Variants in LARGE1 observed in about 807,000 individuals in gnomAD.
The protein encoded by LARGE1 is xylosyl- and glucuronyltransferase LARGE1.
LARGE1 carries 43 observed loss-of-function variants against 87.6 expected under a neutral mutation model. The ratio of observed to expected loss-of-function variants is 0.49; its 90% CI spans 0.38 to 0.63. The LOEUF (loss-of-function observed/expected upper bound fraction) is 0.63. Among genes scored for constraint, LARGE1 ranks in the 30% least tolerant of loss-of-function variants. The pLI is 0.00. For missense variants in LARGE1, 802 were observed against 1,000.2 expected (o/e 0.80, Z 2.67); for synonymous variants, 434 against 394.6 (o/e 1.10, Z -1.18).
At chr22:33,074,563 T>C in the LARGE1 span, among the ~76,000 whole-genome samples, 3 of 152,030 alleles carry the variant, frequency 2.0e-5, no homozygotes, top group African/African-American at 7.2e-5. Context: ...TAGTCCCAGC[T>C]ACTCAGGAGG....
At chr22:33,422,134 C>T (rs2066715419) in intron 7 of LARGE1, among the ~76,000 whole-genome samples, 1 of 152,228 alleles carries the variant, frequency 6.6e-6, no homozygotes, top group Non-Finnish European at 1.5e-5. Flanking sequence ...ACTGGCAACA[C>T]CTCCAACCTT....
intron 4 of LARGE1, among the ~76,000 whole-genome samples, chr22:33,610,540 A>C (rs372223587): frequency 1.3e-5 from 2 of 152,316 alleles, no homozygotes; most frequent in African/African-American, 4.8e-5. Context: ...CAAAGCAATG[A>C]TCTAAAAGTT....
At chr22:33,408,777 G>T (rs2147406818) in intron 7 of LARGE1, among the ~76,000 whole-genome samples, 1 of 147,934 alleles carries the variant, frequency 6.8e-6, no homozygotes, top group South Asian at 2.1e-4. Context: ...GCCAGGGGGG[G>T]TCAACTCCTG....
intron 2 of LARGE1, among the ~76,000 whole-genome samples, chr22:33,662,518 CCACACTT>C: frequency 6.6e-6 from 1 of 152,274 alleles, no homozygotes; most frequent in Non-Finnish European, 1.5e-5. Flanking sequence ...GCTATGCAAG[CCACACTT>C]CACCAGAAGT....
intron 6 of LARGE1, among the ~76,000 whole-genome samples, chr22:33,450,975 G>A (rs1276905444): frequency 1.3e-5 from 2 of 152,088 alleles, no homozygotes; most frequent in Admixed American, 6.6e-5. Context: ...ACATAAACAC[G>A]GGGTAAAGCA....
At chr22:33,754,846 T>A (rs2084450483) in intron 2 of LARGE1, among the ~76,000 whole-genome samples, 1 of 152,150 alleles carries the variant, frequency 6.6e-6, no homozygotes, top group Non-Finnish European at 1.5e-5. Context: ...TCCAGCAGAT[T>A]ATTCACCAAT....
At chr22:33,812,817 C>T (rs578228382) in intron 1 of LARGE1, among the ~76,000 whole-genome samples, 7 of 152,324 alleles carry the variant, frequency 4.6e-5, no homozygotes, top group South Asian at 2.1e-4. Flanking sequence ...CCTGACAACA[C>T]GCCAGGCCCT....
intron 3 of LARGE1, among the ~76,000 whole-genome samples, chr22:33,645,586 G>A (rs1356006773): frequency 6.6e-6 from 1 of 152,176 alleles, no homozygotes; most frequent in African/African-American, 2.4e-5. Flanking sequence ...AGCCAAAATT[G>A]ACAAATGGGA....
At chr22:33,311,581 T>A (rs933436961) in intron 11 of LARGE1, among the ~76,000 whole-genome samples, 1 of 152,236 alleles carries the variant, frequency 6.6e-6, no homozygotes, top group Non-Finnish European at 1.5e-5. Context: ...TCTGACGTTA[T>A]CACCATCTCG....
chr22:33,697,250 C>T (rs750669671), intron 2 of LARGE1, among the ~76,000 whole-genome samples: 1 of 152,096 alleles, frequency 6.6e-6, no homozygotes, highest in Non-Finnish European at 1.5e-5. Flanking sequence ...GTATGGTTCT[C>T]GTCCTGCTTA....
At chr22:33,178,421 A>G (rs762994170) in intron 11 of LARGE1, among the ~76,000 whole-genome samples, 1 of 152,122 alleles carries the variant, frequency 6.6e-6, no homozygotes, top group Non-Finnish European at 1.5e-5. Flanking sequence ...TGAAGGTGAT[A>G]CTCATGAAGA....
chr22:33,665,964 T>G (rs988651464), intron 2 of LARGE1, among the ~76,000 whole-genome samples: 3 of 151,220 alleles, frequency 2.0e-5, no homozygotes, highest in African/African-American at 7.3e-5. Flanking sequence ...CTTGCAAGAT[T>G]TACTGCAAAA....
chr22:33,268,013 T>C (rs1429382058), downstream of LARGE1, among the ~76,000 whole-genome samples: 1 of 151,184 alleles, frequency 6.6e-6, no homozygotes, highest in Non-Finnish European at 1.5e-5. Flanking sequence ...TGGAGTTCAG[T>C]GGCGCGATCT....
chr22:33,148,972 C>T, the LARGE1 span, among the ~76,000 whole-genome samples: 3 of 150,960 alleles, frequency 2.0e-5, no homozygotes, highest in Non-Finnish European at 2.9e-5. Flanking sequence ...AATGTAAGTG[C>T]TTTTTCAGAT....
At chr22:33,820,904 T>C (rs2086796725) in intron 1 of LARGE1, among the ~76,000 whole-genome samples, 1 of 152,092 alleles carries the variant, frequency 6.6e-6, no homozygotes, top group African/African-American at 2.4e-5. Flanking sequence ...CCACCCCCTC[T>C]TCTGCCTCCC....
chr22:33,211,107 T>C (rs1410780564), intron 11 of LARGE1, among the ~76,000 whole-genome samples: 4 of 152,188 alleles, frequency 2.6e-5, no homozygotes, highest in Non-Finnish European at 4.4e-5. Flanking sequence ...TTCATTATTA[T>C]TATATCTGTT....
At chr22:33,773,743 C>T (rs752141872) in intron 1 of LARGE1, among the ~76,000 whole-genome samples, 1 of 152,156 alleles carries the variant, frequency 6.6e-6, no homozygotes, top group Non-Finnish European at 1.5e-5. Flanking sequence ...TGGAGCCTCC[C>T]GTCATTTTTC....
At chr22:33,198,262 T>C (rs1392708803) in intron 11 of LARGE1, among the ~76,000 whole-genome samples, 1 of 152,174 alleles carries the variant, frequency 6.6e-6, no homozygotes. Flanking sequence ...TAAGAGTCTT[T>C]GCTCTTTGAA....
chr22:33,473,370 G>A (rs2148129266), intron 6 of LARGE1, among the ~76,000 whole-genome samples: 1 of 151,468 alleles, frequency 6.6e-6, no homozygotes, highest in Non-Finnish European at 1.5e-5. Context: ...ATTTTTTTGA[G>A]ACGAAGTCTC....
Sources: gnomAD v4.1 joint callset for allele counts (sites outside exome capture counted in the v4.1 genomes callset) on GRCh38, gnomAD v4.1.1 for gene constraint, MANE v1.5 for transcripts, NCBI Gene and HGNC (gene_info 2026-07-23, HGNC 2026-07-21) for gene names.